LSAMP: variants seen among roughly 807,000 people sequenced by gnomAD.
LSAMP encodes limbic system associated membrane protein.
In LSAMP, 7 loss-of-function variants were observed where a neutral mutation model predicts 38.6. The observed-to-expected ratio is 0.18, with a 90% confidence interval of 0.10 to 0.34. The LOEUF (loss-of-function observed/expected upper bound fraction) is 0.34. LSAMP is among the 10% of genes least tolerant of loss of function. The pLI, the probability that LSAMP is intolerant of heterozygous loss-of-function variation, is 1.00. For missense variants in LSAMP, 313 were observed against 420.0 expected (o/e 0.75, Z 2.23); for synonymous variants, 154 against 166.8 (o/e 0.92, Z 0.59).
chr3:116,391,551 G>T (rs1040974611), intron 1 of LSAMP, among the ~76,000 whole-genome samples: 1 of 152,162 alleles, frequency 6.6e-6, no homozygotes, highest in Non-Finnish European at 1.5e-5. Flanking sequence ...TCGCTCACTA[G>T]CGGGGGAGCA....
intron 3 of LSAMP, among the ~76,000 whole-genome samples, chr3:115,929,578 A>C (rs1208225174): frequency 6.6e-6 from 1 of 152,176 alleles, no homozygotes; most frequent in African/African-American, 2.4e-5. Context: ...GGTTTCTAAA[A>C]TTTGTTGGCA....
chr3:116,088,386 G>T (rs967504583), intron 1 of LSAMP, among the ~76,000 whole-genome samples: 2 of 152,052 alleles, frequency 1.3e-5, no homozygotes, highest in Non-Finnish European at 2.9e-5. Context: ...TGAGCACCAA[G>T]CTAACTTCAT....
At chr3:116,003,593 G>C (rs1485528744) in intron 3 of LSAMP, among the ~76,000 whole-genome samples, 4 of 152,094 alleles carry the variant, frequency 2.6e-5, no homozygotes, top group Admixed American at 2.6e-4. Flanking sequence ...TTGGAAAAGG[G>C]GCTTTTGCAA....
In LSAMP at chr3:116,290,763, AT is replaced by A. The variant is rs1460241687; in HGVS notation, c.155+154113del. 1.8e-3 allele frequency among the ~76,000 whole-genome samples: 257 copies of A among 146,636 alleles called. 2 individuals are homozygous for A. The highest frequency in any genetic ancestry group is 4.6e-3 in the Admixed American group (67 of 14,642). On this transcript the variant is annotated intron_variant, in intron 1 of 6. Transcript: ENST00000490035. Reference sequence around the variant, plus strand: ...AATAATAATAATAATAATAATAATAATAATAATAATAAAATAAACTTTCCTA... The same window carrying A: ...AATAATAATAATAATAATAATAATAAAATAATAATAAAATAAACTTTCCTA...
intron 1 of LSAMP, among the ~76,000 whole-genome samples, chr3:116,237,594 T>A (rs2046481811): frequency 6.6e-6 from 1 of 152,188 alleles, no homozygotes; most frequent in Non-Finnish European, 1.5e-5. Flanking sequence ...CCATCCCTTT[T>A]ATTCATTTTC....
At chr3:116,197,210 C>G (rs961694158) in intron 1 of LSAMP, among the ~76,000 whole-genome samples, 1 of 151,094 alleles carries the variant, frequency 6.6e-6, no homozygotes, top group East Asian at 1.9e-4. Flanking sequence ...TCACCCACTC[C>G]CTGTTGTAAC....
chr3:116,005,164 A>G (rs1458606250), intron 3 of LSAMP, among the ~76,000 whole-genome samples: 2 of 152,176 alleles, frequency 1.3e-5, no homozygotes, highest in Non-Finnish European at 2.9e-5. Flanking sequence ...ATTCTCTTAT[A>G]TAAGAAAGAA....
intron 2 of LSAMP, among the ~76,000 whole-genome samples, chr3:116,047,024 C>CT (rs1941303524): frequency 6.6e-6 from 1 of 152,078 alleles, no homozygotes; most frequent in Non-Finnish European, 1.5e-5. Context: ...TTTATTTATT[C>CT]TTTCTTATGC....
At chr3:116,131,835 T>G (rs1419561304) in intron 1 of LSAMP, among the ~76,000 whole-genome samples, 1 of 150,968 alleles carries the variant, frequency 6.6e-6, no homozygotes, top group Non-Finnish European at 1.5e-5. Context: ...TCTTTTTCTT[T>G]TTTTTTTTTT....
chr3:116,071,101 G>T (rs1576345314), intron 2 of LSAMP, among the ~76,000 whole-genome samples: 1 of 148,118 alleles, frequency 6.8e-6, no homozygotes, highest in Non-Finnish European at 1.5e-5. Context: ...ATAAAATAAT[G>T]TACCTACATG....
intron 1 of LSAMP, among the ~76,000 whole-genome samples, chr3:116,423,744 AAGAG>A (rs1275466465): frequency 1.3e-5 from 2 of 152,192 alleles, no homozygotes; most frequent in Non-Finnish European, 2.9e-5. Flanking sequence ...ACACGAGAGA[AAGAG>A]AGAGACTGAG....
At chr3:116,293,491 C>T (rs1189860943) in intron 1 of LSAMP, among the ~76,000 whole-genome samples, 1 of 151,890 alleles carries the variant, frequency 6.6e-6, no homozygotes, top group Non-Finnish European at 1.5e-5. Context: ...TTAAGAAATA[C>T]TGTATATGGT....
At chr3:115,918,961 G>GA (rs1328034875) in intron 3 of LSAMP, among the ~76,000 whole-genome samples, 1 of 152,108 alleles carries the variant, frequency 6.6e-6, no homozygotes, top group African/African-American at 2.4e-5. Context: ...CTGGCATAGG[G>GA]AAAACTCAGA....
intron 1 of LSAMP, among the ~76,000 whole-genome samples, chr3:116,295,307 C>A (rs1048001464): frequency 2.0e-4 from 30 of 152,160 alleles, no homozygotes; most frequent in African/African-American, 6.8e-4. Context: ...ACTTCCAGTA[C>A]AATGATACCT....
At chr3:116,198,221 A>G (rs1304300829) in intron 1 of LSAMP, among the ~76,000 whole-genome samples, 1 of 152,220 alleles carries the variant, frequency 6.6e-6, no homozygotes, top group Non-Finnish European at 1.5e-5. Context: ...GGTGAAGACC[A>G]CAGTTTACAG....
At chr3:116,132,051 C>T (rs1709146878) in intron 1 of LSAMP, among the ~76,000 whole-genome samples, 1 of 151,996 alleles carries the variant, frequency 6.6e-6, no homozygotes, top group South Asian at 2.1e-4. Flanking sequence ...TGGTCTCGAA[C>T]TCCTGAACTC....
rs1394756186 is a variant in LSAMP, at chr3:115,905,317, A to C, written c.515-52700T>G. Among the ~76,000 whole-genome samples the C allele has an allele frequency of 2.6e-5, 4 of 152,222 alleles. No homozygotes were observed. In the South Asian group the frequency reaches 8.3e-4, roughly 32 times the overall value. On this transcript the variant is annotated intron_variant, in intron 3 of 6. Coordinates refer to ENST00000490035, the MANE Select transcript of LSAMP (RefSeq NM_002338.5). ...TCCTAGGTACTTTCAAAAGACAGGA[A>C]ACTCACAGTTGCTCTAATATGAGAT...
At chr3:116,330,563 C>A (rs2047837781) in intron 1 of LSAMP, among the ~76,000 whole-genome samples, 1 of 151,992 alleles carries the variant, frequency 6.6e-6, no homozygotes, top group Non-Finnish European at 1.5e-5. Flanking sequence ...CCCCCACAAC[C>A]TTTTTATTTT....
At chr3:116,269,519 T>C (rs1001845416) in intron 1 of LSAMP, among the ~76,000 whole-genome samples, 4 of 152,228 alleles carry the variant, frequency 2.6e-5, no homozygotes, top group Admixed American at 6.5e-5. Flanking sequence ...CTAAACCTAA[T>C]GGCACTGCTG....
Sources: gnomAD v4.1 joint callset for allele counts (sites outside exome capture counted in the v4.1 genomes callset) on GRCh38, gnomAD v4.1.1 for gene constraint, MANE v1.5 for transcripts, NCBI Gene and HGNC (gene_info 2026-07-23, HGNC 2026-07-21) for gene names.